Variants in TRIO observed in about 807,000 individuals in gnomAD.
TRIO encodes trio Rho guanine nucleotide exchange factor.
Under a neutral mutation model 351.9 loss-of-function variants are expected in TRIO, and 58 were observed. The observed-to-expected ratio is 0.16, with a 90% CI of 0.13 to 0.21. The LOEUF is 0.21. Among genes scored for constraint, TRIO ranks in the 10% least tolerant of loss-of-function variants. TRIO has a pLI of 1.00. For missense variants in TRIO, 3,201 were observed against 4,027.8 expected (o/e 0.79, Z 5.56); for synonymous variants, 1,758 against 1,595.7 (o/e 1.10, Z -2.42).
At chr5:14,233,646 T>A (rs1283418635) in intron 1 of TRIO, among the ~76,000 whole-genome samples, 1 of 152,152 alleles carries the variant, frequency 6.6e-6, no homozygotes, top group Admixed American at 6.5e-5. Flanking sequence ...AAAGTGATCC[T>A]CCTGCCTCAG....
chr5:14,502,227 A>G (rs1021858632), intron 53 of TRIO, among the ~76,000 whole-genome samples: 4 of 152,194 alleles, frequency 2.6e-5, no homozygotes, highest in African/African-American at 9.7e-5. Flanking sequence ...AAGCAAAAAG[A>G]GGCCACATAT....
At chr5:14,481,774 T>C in intron 45 of TRIO, 156 bp downstream of exon 45, 4 of 228,344 alleles carry the variant, frequency 1.8e-5, no homozygotes, top group African/African-American at 1.2e-4. Flanking sequence ...TTATTTCCTT[T>C]TTTTTTTTTT....
At chr5:14,350,016 G>A (rs1290704873) in intron 11 of TRIO, among the ~76,000 whole-genome samples, 1 of 152,172 alleles carries the variant, frequency 6.6e-6, no homozygotes, top group Non-Finnish European at 1.5e-5. Flanking sequence ...TAAGGATAAC[G>A]GCCTCCAGCT....
intron 2 of TRIO, among the ~76,000 whole-genome samples, chr5:14,274,222 T>TA (rs1173022500): frequency 1.3e-5 from 2 of 152,204 alleles, no homozygotes; most frequent in African/African-American, 4.8e-5. Context: ...GGTTGTGTGT[T>TA]ACCTCCTGAT....
intron 4 of TRIO, among the ~76,000 whole-genome samples, chr5:14,290,007 A>G (rs1241371315): frequency 6.6e-6 from 1 of 152,214 alleles, no homozygotes; most frequent in East Asian, 1.9e-4. Flanking sequence ...CATTGCCTCT[A>G]TCCTTAGCTC....
At chr5:14,295,477 G>A (rs1475926038) in intron 6 of TRIO, among the ~76,000 whole-genome samples, 1 of 152,210 alleles carries the variant, frequency 6.6e-6, no homozygotes, top group Admixed American at 6.5e-5. Context: ...ATATAAAAGT[G>A]ACACAGGAAG....
intron 34 of TRIO, among the ~76,000 whole-genome samples, chr5:14,456,401 G>A (rs1425612534): frequency 1.3e-5 from 2 of 152,220 alleles, no homozygotes; most frequent in African/African-American, 4.8e-5. Flanking sequence ...AGTGAGGGCC[G>A]CCAGCATGTT....
chr5:14,485,288 G>C (rs181691849), intron 47 of TRIO, 42 bp downstream of exon 47: 3 of 1,521,048 alleles, frequency 2.0e-6, no homozygotes, highest in South Asian at 1.3e-5. Flanking sequence ...TTCTTTCCTC[G>C]TGTACTCACT....
chr5:14,326,245 C>T (rs569506509), intron 9 of TRIO, among the ~76,000 whole-genome samples: 4 of 152,290 alleles, frequency 2.6e-5, no homozygotes, highest in African/African-American at 9.6e-5. Flanking sequence ...GCTCAGATGG[C>T]GAGATGATTG....
intron 1 of TRIO, among the ~76,000 whole-genome samples, chr5:14,243,493 A>G (rs1794250943): frequency 6.6e-6 from 1 of 152,174 alleles, no homozygotes; most frequent in African/African-American, 2.4e-5. Context: ...AACTTTTATT[A>G]TGAGAGTCTC....
chr5:14,387,543 A>G lies in TRIO; in HGVS notation c.3676A>G (p.Lys1226Glu), dbSNP rs766425343. 4 of 1,614,132 alleles carry G rather than the reference A, an allele frequency of 2.5e-6. No individual in the cohort carries two copies. The highest frequency in any genetic ancestry group is 3.3e-5 in the Admixed American group (2 of 60,014). ...EIKKCVTAVD[K>E]RYRDFSLRME... ...AAAAAAATGTGTTACTGCTGTGGAT[A>G]AGAGGTACAGAGATTTCTCTCTGCG... is the stretch of plus-strand genomic sequence containing the variant. Residue 1226 changes from lysine (K) to glutamate (E), a missense_variant, in exon 22 of 57, where the codon AAG becomes GAG. Coordinates refer to ENST00000344204, the MANE Select transcript of TRIO (RefSeq NM_007118.4).
chr5:14,426,974 G>T lies in TRIO; in HGVS notation c.5203+6953G>T, dbSNP rs532435949. On this transcript the variant is annotated intron_variant, in intron 34 of 56. Coordinates refer to ENST00000344204, the MANE Select transcript of TRIO (RefSeq NM_007118.4). ...AAATGTACACAGCTTTTTTACCAGG[G>T]TTACTCCTCAGAATCACTTGTCACT... Among the ~76,000 whole-genome samples the T allele has an allele frequency of 4.6e-5, 7 of 152,228 alleles. No individual in the cohort carries two copies. The South Asian group carries it at 1.5e-3, about 32-fold the overall frequency.
intron 39 of TRIO, 98 bp from the exon 40 acceptor site, chr5:14,473,896 A>G: frequency 8.6e-7 from 1 of 1,156,666 alleles, no homozygotes; most frequent in Non-Finnish European, 1.3e-6. Flanking sequence ...AAGACAGTGC[A>G]TGTGTCCATT....
At chr5:14,493,333 C>A (rs1336489301) in intron 49 of TRIO, among the ~76,000 whole-genome samples, 1 of 151,868 alleles carries the variant, frequency 6.6e-6, no homozygotes, top group African/African-American at 2.4e-5. Context: ...TTGTGGCAAC[C>A]CTATGTCAAG....
At chr5:14,290,093 C>T (rs531528181) in intron 4 of TRIO, among the ~76,000 whole-genome samples, 4 of 152,250 alleles carry the variant, frequency 2.6e-5, no homozygotes, top group African/African-American at 9.6e-5. Flanking sequence ...ATTCATATCC[C>T]ATCATCTGTT....
chr5:14,396,044 TAAAAA>T (rs557922366), intron 28 of TRIO, among the ~76,000 whole-genome samples: 2 of 64,542 alleles, frequency 3.1e-5, no homozygotes, highest in African/African-American at 9.8e-5. Flanking sequence ...AGACTCCGCC[TAAAAA>T]AAAAAAAAAA....
intron 1 of TRIO, among the ~76,000 whole-genome samples, chr5:14,225,346 A>G (rs915987035): frequency 6.6e-6 from 1 of 152,208 alleles, no homozygotes; most frequent in African/African-American, 2.4e-5. Flanking sequence ...TACCACAAAC[A>G]TAGCAGCTTG....
At chr5:14,230,675 C>T (rs1438218066) in intron 1 of TRIO, among the ~76,000 whole-genome samples, 1 of 152,152 alleles carries the variant, frequency 6.6e-6, no homozygotes, top group East Asian at 1.9e-4. Flanking sequence ...GCCCCCCTCC[C>T]CTAATACGGC....
chr5:14,367,330 G>C (rs760237355), intron 16 of TRIO, among the ~76,000 whole-genome samples: 8 of 152,178 alleles, frequency 5.3e-5, no homozygotes, highest in Admixed American at 2.6e-4. Context: ...CCACGTTGCA[G>C]TCTCAGCTGA....
Sources: allele counts gnomAD v4.1 joint callset (sites outside exome capture counted in the v4.1 genomes callset), GRCh38; gene constraint gnomAD v4.1.1; transcripts MANE v1.5; gene names NCBI Gene and HGNC (gene_info 2026-07-23, HGNC 2026-07-21).